The following ASAP1 variants were observed in gnomAD, a reference collection of about 807,000 sequenced individuals.
ASAP1 encodes ArfGAP with SH3 domain, ankyrin repeat and PH domain 1, also known as arf-GAP with SH3 domain, ANK repeat and PH domain-containing protein 1.
A neutral mutation model predicts 145.2 loss-of-function variants in ASAP1; 43 were observed. That is an observed-to-expected ratio of 0.30 (90% CI 0.23 to 0.38). ASAP1 has a LOEUF of 0.38. ASAP1 is among the 10% of genes least tolerant of loss of function. The pLI is 1.00. For synonymous variants in ASAP1, 546 were observed against 515.5 expected, an observed-to-expected ratio of 1.06 and a Z score of -0.80; for missense variants, 1,018 against 1,355.3, an observed-to-expected ratio of 0.75 and a Z score of 3.91.
At chr8:130,354,377 G>A (rs1826181434) in intron 3 of ASAP1, among the ~76,000 whole-genome samples, 1 of 152,176 alleles carries the variant, frequency 6.6e-6, no homozygotes, top group African/African-American at 2.4e-5. Context: ...GCCTGGTATG[G>A]AGCAGCTGCT....
intron 3 of ASAP1, among the ~76,000 whole-genome samples, chr8:130,256,739 TTATATATATATATATATATATA>T (rs58245112): frequency 0.2 from 19,003 of 96,278 alleles, 2,095 homozygotes; most frequent in South Asian, 0.35. Context: ...ATACACATTC[TTATATATATATATATATATATA>T]TATATATATA....
At chr8:130,378,883 G>T (rs1827630497) in intron 2 of ASAP1, among the ~76,000 whole-genome samples, 1 of 152,156 alleles carries the variant, frequency 6.6e-6, no homozygotes, top group South Asian at 2.1e-4. Context: ...CACAGTCACA[G>T]GCCTTTCCAC....
chr8:130,091,998 G>C lies in ASAP1; in HGVS notation c.2547C>G (p.Pro849=), dbSNP rs764842362. Residue 849 remains proline (P), a synonymous_variant, in exon 25 of 30, where the codon CCC becomes CCG. Transcript: ENST00000518721. ...CCCAAGGAACTGCGCCTTTGTTTGG[G>C]GGCCCATGAGGTAGTGGGCTGGGAG... is the stretch of plus-strand genomic sequence containing the variant. ...SDPPSPLPHG[P]PNKGAVPWGN... is the part of the protein sequence containing the mutation. The C allele has an allele frequency of 5.1e-6, 8 of 1,558,910 alleles. No homozygotes were observed. The highest frequency in any genetic ancestry group is 1.8e-4 in the Middle Eastern group (1 of 5,458).
In ASAP1 at chr8:130,076,475, G is replaced by A. The variant is rs1187685507; in HGVS notation, c.2643-69C>T. The A allele has an allele frequency of 9.6e-6, 11 of 1,144,164 alleles. No homozygotes were observed. The Admixed American group carries it at 1.1e-4, about 11-fold the overall frequency. The allele number at this position is 1,144,164 out of a possible 1,614,324, so 70.9% of individuals were successfully genotyped here. A position where few individuals can be genotyped will look rare whatever the true frequency, so the allele number is the denominator to read the frequency against. On this transcript the variant is annotated intron_variant, in intron 26 of 29. Coordinates refer to ENST00000518721, the MANE Select transcript of ASAP1 (RefSeq NM_018482.4). ...ATATCAATAGCAAAATATTATTCAA[G>A]TAAATCAAATCAAAGGTATTTACAT... is the stretch of plus-strand genomic sequence containing the variant.
chr8:130,250,907 C>A (rs1055223351), intron 3 of ASAP1, among the ~76,000 whole-genome samples: 1 of 152,136 alleles, frequency 6.6e-6, no homozygotes, highest in Non-Finnish European at 1.5e-5. Flanking sequence ...ATACTACATT[C>A]TAACGATATC....
chr8:130,231,778 A>C (rs998719683), intron 4 of ASAP1, among the ~76,000 whole-genome samples: 4 of 152,224 alleles, frequency 2.6e-5, no homozygotes, highest in African/African-American at 9.6e-5. Flanking sequence ...TCCATTTCTA[A>C]AAGTGCAGTA....
chr8:130,152,393 G>A (rs76892261), intron 13 of ASAP1, among the ~76,000 whole-genome samples: 15,627 of 152,008 alleles, frequency 0.1, 938 homozygotes, highest in South Asian at 0.27. Context: ...CTACTGTTAC[G>A]TTTCCTACAT....
At chr8:130,229,325 C>A (rs1282070921) in intron 4 of ASAP1, among the ~76,000 whole-genome samples, 1 of 152,194 alleles carries the variant, frequency 6.6e-6, no homozygotes, top group Non-Finnish European at 1.5e-5. Flanking sequence ...GTTGTCATGG[C>A]ATGGTTGTTT....
chr8:130,434,787 G>A (rs1830253312), intron 1 of ASAP1, among the ~76,000 whole-genome samples: 1 of 152,124 alleles, frequency 6.6e-6, no homozygotes, highest in African/African-American at 2.4e-5. Flanking sequence ...GGCCCATATT[G>A]ATGAGGTCCT....
At chr8:130,276,073 C>A (rs1445885121) in intron 3 of ASAP1, among the ~76,000 whole-genome samples, 1 of 152,140 alleles carries the variant, frequency 6.6e-6, no homozygotes, top group Non-Finnish European at 1.5e-5. Flanking sequence ...AGATTCAGCC[C>A]AGTTCCATGA....
At chr8:130,121,784 C>CAAAAAAAAAAAAAAAAAAAAAA (rs56996962) in intron 18 of ASAP1, among the ~76,000 whole-genome samples, 1 of 25,406 alleles carries the variant, frequency 3.9e-5, no homozygotes, top group Non-Finnish European at 9.3e-5. Context: ...AATTCCATCT[C>CAAAAAAAAAAAAAAAAAAAAAA]AAAAAAAAAA....
At chr8:130,111,859 T>C (rs565729004) in intron 24 of ASAP1, among the ~76,000 whole-genome samples, 2 of 152,286 alleles carry the variant, frequency 1.3e-5, no homozygotes, top group South Asian at 2.1e-4. Context: ...CTTCACAGGA[T>C]TGTTGTAAGG....
intron 23 of ASAP1, among the ~76,000 whole-genome samples, chr8:130,115,168 G>A (rs1381946704): frequency 6.6e-6 from 1 of 152,214 alleles, no homozygotes. Context: ...CCATTTAAAT[G>A]AGTAGATTTC....
intron 3 of ASAP1, among the ~76,000 whole-genome samples, chr8:130,348,235 T>C (rs1460747491): frequency 6.6e-6 from 1 of 152,210 alleles, no homozygotes; most frequent in African/African-American, 2.4e-5. Flanking sequence ...TACATTTTCC[T>C]CCACCCAAAA....
chr8:130,419,636 A>C (rs1228995016), intron 1 of ASAP1, among the ~76,000 whole-genome samples: 1 of 151,962 alleles, frequency 6.6e-6, no homozygotes, highest in Non-Finnish European at 1.5e-5. Flanking sequence ...GACCTCAGGG[A>C]CTAGTGCAAG....
At chr8:130,370,498 A>G (rs961321776) in intron 2 of ASAP1, among the ~76,000 whole-genome samples, 1 of 152,184 alleles carries the variant, frequency 6.6e-6, no homozygotes, top group African/African-American at 2.4e-5. Flanking sequence ...TAAGCCATCC[A>G]GTCTAGGGTA....
chr8:130,227,281 C>T (rs1195142823), intron 4 of ASAP1, among the ~76,000 whole-genome samples: 1 of 151,988 alleles, frequency 6.6e-6, no homozygotes, highest in Non-Finnish European at 1.5e-5. Context: ...GAGACAGGAT[C>T]TCACTCTGTT....
Position 130,318,349 on chromosome 8 carries a change from T to C in ASAP1, c.186+39668A>G, listed in dbSNP as rs1006919833. ...CTCCTGCCTTGGCCTCCCAAAGTGT[T>C]GGGATTACAGGCATTAGCCACCATA... On this transcript the variant is annotated intron_variant, in intron 3 of 29. Transcript: ENST00000518721. Among the ~76,000 whole-genome samples, 39 of 152,322 alleles carry C rather than the reference T, an allele frequency of 2.6e-4. 1 individual carries two copies. The highest frequency in any genetic ancestry group is 8.2e-4 in the African/African-American group (34 of 41,582).
chr8:130,152,784 C>T lies in ASAP1; in HGVS notation c.1032G>A (p.Arg344=). The T allele has an allele frequency of 6.2e-7, 1 of 1,610,252 alleles. No individual in the cohort carries two copies. The highest frequency in any genetic ancestry group is 8.5e-7 in the Non-Finnish European group (1 of 1,177,266). The change falls in exon 13 of 30, where the codon AGG becomes AGA. Residue 344 remains arginine (R), a synonymous_variant. Transcript: ENST00000518721. The stretch of plus-strand genomic sequence containing the variant: ...TCCCATTCTTGACTGAACACTTCCT[C>T]CTCTGCCATACTTTCCGGATCCTAA... ...KSDGIRKVWQ[R]RKCSVKNGIL... is the part of the protein sequence containing the mutation.
Sources: allele counts gnomAD v4.1 joint callset (sites outside exome capture counted in the v4.1 genomes callset), GRCh38; gene constraint gnomAD v4.1.1; transcripts MANE v1.5; gene names NCBI Gene and HGNC (gene_info 2026-07-23, HGNC 2026-07-21).